HNRNPLL: variants seen among roughly 807,000 people sequenced by gnomAD.
HNRNPLL encodes the protein heterogeneous nuclear ribonucleoprotein L like, also known as heterogeneous nuclear ribonucleoprotein L-like.
In HNRNPLL, 25 loss-of-function variants were observed where a neutral mutation model predicts 67.1. That is an observed-to-expected ratio of 0.37 (90% CI 0.27 to 0.52). The LOEUF is 0.52. Ranked by LOEUF, HNRNPLL falls within the 20% of genes least tolerant of loss-of-function variation. The pLI is 0.90. For missense variants in HNRNPLL, 542 were observed against 673.9 expected (o/e 0.80, Z 2.17); for synonymous variants, 267 against 241.7 (o/e 1.10, Z -0.97).
chr2:38,564,721 C>A (rs549873385), intron 12 of HNRNPLL, among the ~76,000 whole-genome samples: 2 of 151,600 alleles, frequency 1.3e-5, no homozygotes, highest in Non-Finnish European at 2.9e-5. Flanking sequence ...ACTTTGTTCA[C>A]TGCCACATTT....
At chr2:38,598,101 AAAAACAAAAC>A (rs78676957) in intron 1 of HNRNPLL, among the ~76,000 whole-genome samples, 5 of 152,026 alleles carry the variant, frequency 3.3e-5, no homozygotes, top group African/African-American at 2.4e-5. Context: ...ATAAAAACAT[AAAAACAAAAC>A]AAAACAACTC....
At chr2:38,600,675 G>T (rs1192303791) in intron 1 of HNRNPLL, among the ~76,000 whole-genome samples, 3 of 151,660 alleles carry the variant, frequency 2.0e-5, no homozygotes, top group Non-Finnish European at 1.5e-5. Flanking sequence ...CAAGGCTGCA[G>T]TGAGCCGTGA....
intron 7 of HNRNPLL, 50 bp from the exon 8 acceptor site, chr2:38,573,477 G>T: frequency 1.7e-6 from 2 of 1,208,720 alleles, no homozygotes; most frequent in Non-Finnish European, 2.4e-6. Flanking sequence ...ACACATAGTT[G>T]TTTGTAAATA....
rs1667481594 is a variant in HNRNPLL, at chr2:38,602,426, G to T, written c.189+12C>A. 1.3e-6 allele frequency: 2 copies of T among 1,541,864 alleles called. No individual in the cohort carries two copies. The highest frequency in any genetic ancestry group is 1.4e-5 in the African/African-American group (1 of 72,956). ...GCCAGGCACAGCGGACAGGGGGGCC[G>T]CGCTTTGTTACCGGCTGAGAGAAGC... On this transcript the variant is annotated intron_variant, in intron 1 of 12. Transcript: ENST00000449105.
At chr2:38,589,950 T>G (rs923910347) in intron 2 of HNRNPLL, among the ~76,000 whole-genome samples, 1 of 152,198 alleles carries the variant, frequency 6.6e-6, no homozygotes, top group Admixed American at 6.5e-5. Flanking sequence ...TAGAAGGTCC[T>G]TATAGAGACA....
chr2:38,574,502 T>A (rs1450758661), intron 7 of HNRNPLL, among the ~76,000 whole-genome samples: 1 of 151,922 alleles, frequency 6.6e-6, no homozygotes, highest in Non-Finnish European at 1.5e-5. Flanking sequence ...GTAATGCCAC[T>A]GAGTTGCACT....
At chr2:38,602,345 A>G in intron 1 of HNRNPLL, 93 bp downstream of exon 1, 3 of 1,236,614 alleles carry the variant, frequency 2.4e-6, no homozygotes, top group South Asian at 1.3e-5. Context: ...GCAGCGGAAA[A>G]GGCTAACTGA....
intron 2 of HNRNPLL, among the ~76,000 whole-genome samples, chr2:38,587,184 T>G (rs1666767035): frequency 1.3e-5 from 2 of 152,202 alleles, no homozygotes; most frequent in African/African-American, 4.8e-5. Context: ...AATGGTACAG[T>G]ATTAATAAGA....
At chr2:38,591,080 C>T (rs1425299507) in intron 2 of HNRNPLL, among the ~76,000 whole-genome samples, 2 of 152,126 alleles carry the variant, frequency 1.3e-5, no homozygotes. Flanking sequence ...CAAATAATGC[C>T]TACCCTTAAT....
chr2:38,577,984 A>G (rs1247823999), intron 6 of HNRNPLL: 1 of 470,980 alleles, frequency 2.1e-6, no homozygotes, highest in African/African-American at 2.0e-5. Flanking sequence ...AAGAAGTTTC[A>G]GCATAAGCCA....
intron 12 of HNRNPLL, among the ~76,000 whole-genome samples, chr2:38,567,700 T>G (rs979438969): frequency 1.3e-5 from 2 of 152,128 alleles, no homozygotes; most frequent in African/African-American, 4.8e-5. Flanking sequence ...AATTATAACA[T>G]TAAGTGATGG....
At chr2:38,578,313 G>C (rs1573733488) in intron 6 of HNRNPLL, among the ~76,000 whole-genome samples, 1 of 152,108 alleles carries the variant, frequency 6.6e-6, no homozygotes, top group Middle Eastern at 3.4e-3. Context: ...TCTAATTAGA[G>C]ACATCAACAA....
intron 3 of HNRNPLL, 124 bp downstream of exon 3, chr2:38,585,520 A>G (rs1461633724): frequency 1.6e-6 from 1 of 624,002 alleles, no homozygotes. Flanking sequence ...GTTAAGATTA[A>G]TTTTCAAAAT....
At position 38,573,346 on chromosome 2, in the gene HNRNPLL, A is replaced by G; in HGVS notation, c.956T>C (p.Leu319Ser). ...CATGTAAGAGGAAGAAGCCTGTGGTAATGGATAAGCAACAAGTTCAGGTGT... is the reference window on the plus strand; with the variant it reads ...CATGTAAGAGGAAGAAGCCTGTGGTGATGGATAAGCAACAAGTTCAGGTGT... The part of the protein sequence containing the change: ...RDTPELVAYP[L>S]PQASSSYMHG... The change falls in exon 8 of 13, where the codon TTA becomes TCA. Residue 319 changes from leucine (L) to serine (S), a missense_variant. Physicochemically the swap from Leu to Ser is moderately radical, Grantham distance 145. Coordinates refer to ENST00000449105, the MANE Select transcript of HNRNPLL (RefSeq NM_138394.4). 6.2e-7 allele frequency: 1 copy of G among 1,612,732 alleles called. No individual in the cohort carries two copies. Among genetic ancestry groups the G allele is most frequent in the Non-Finnish European group, 8.5e-7 (1 of 1,179,166 alleles).
chr2:38,579,105 G>A (rs921456807), intron 6 of HNRNPLL, among the ~76,000 whole-genome samples: 2 of 152,108 alleles, frequency 1.3e-5, no homozygotes, highest in African/African-American at 4.8e-5. Context: ...CAACCATAAT[G>A]TCTTCATGAC....
chr2:38,597,450 A>T (rs2148388667), intron 1 of HNRNPLL, among the ~76,000 whole-genome samples: 1 of 152,372 alleles, frequency 6.6e-6, no homozygotes, highest in South Asian at 2.1e-4. Flanking sequence ...CACTTAATAT[A>T]GAACAAAGGA....
chr2:38,570,134 C>G (rs75958086), intron 8 of HNRNPLL, among the ~76,000 whole-genome samples: 1 of 152,202 alleles, frequency 6.6e-6, no homozygotes, highest in African/African-American at 2.4e-5. Flanking sequence ...CACTGAAGAA[C>G]AGCACAGGCT....
chr2:38,582,562 G>A (rs1666572848), intron 4 of HNRNPLL, among the ~76,000 whole-genome samples: 3 of 151,994 alleles, frequency 2.0e-5, no homozygotes, highest in Non-Finnish European at 4.4e-5. Flanking sequence ...CGCCCGCCTC[G>A]GCCTCCCAAA....
chr2:38,589,762 T>G (rs1666889628), intron 2 of HNRNPLL, among the ~76,000 whole-genome samples: 1 of 152,186 alleles, frequency 6.6e-6, no homozygotes, highest in Non-Finnish European at 1.5e-5. Flanking sequence ...CTAATTAACA[T>G]CAAAATAGTC....
Sources: gnomAD v4.1 joint callset for allele counts (sites outside exome capture counted in the v4.1 genomes callset) on GRCh38, gnomAD v4.1.1 for gene constraint, MANE v1.5 for transcripts, NCBI Gene and HGNC (gene_info 2026-07-23, HGNC 2026-07-21) for gene names.